SMARCD3: variants seen among roughly 807,000 people sequenced by gnomAD.
The protein encoded by SMARCD3 is SWI/SNF-related matrix-associated actin-dependent regulator of chromatin subfamily D member 3.
A neutral mutation model predicts 58.0 loss-of-function variants in SMARCD3; 14 were observed. The observed-to-expected ratio is 0.24, with a 90% confidence interval of 0.16 to 0.38. The LOEUF is 0.38. Ranked by LOEUF, SMARCD3 falls within the 10% of genes least tolerant of loss-of-function variation. The probability of loss-of-function intolerance (pLI) is 1.00; values close to 1 mark genes in which losing one functional copy is unlikely to be tolerated. For synonymous variants in SMARCD3, 253 were observed against 253.8 expected (o/e 1.00, Z 0.03); for missense variants, 408 against 636.9 (o/e 0.64, Z 3.87).
rs762358047 is a variant in SMARCD3 at position 151,241,270 on chromosome 7, C to T, written c.939+222G>A. 2.2e-5 allele frequency: 13 copies of T among 588,802 alleles called. No homozygotes were observed. The highest frequency in any genetic ancestry group is 1.6e-4 in the Admixed American group (6 of 37,902). The allele number at this position is 588,802 out of a possible 1,614,324, so 36.5% of individuals were successfully genotyped here. A position where few individuals can be genotyped will look rare whatever the true frequency, so the allele number is the denominator to read the frequency against. ...TTGTAGGGTTTCCAGGTCTTCCTAACTTGGGGGGGCTAACATGGATTGGCT... is the reference window on the plus strand; with the variant it reads ...TTGTAGGGTTTCCAGGTCTTCCTAATTTGGGGGGGCTAACATGGATTGGCT... On this transcript the variant is annotated intron_variant, in intron 8 of 12. Coordinates refer to ENST00000262188, the MANE Select transcript of SMARCD3 (RefSeq NM_001003801.2). The surrounding 1 kb of genome is among the most constrained non-coding windows in gnomAD (Gnocchi z 5.3).
At chr7:151,265,352 G>GC (rs1563689887) in intron 2 of SMARCD3, among the ~76,000 whole-genome samples, 1 of 152,198 alleles carries the variant, frequency 6.6e-6, no homozygotes, top group African/African-American at 2.4e-5. Context: ...AAGGAGAGAG[G>GC]CCTGAGACAG....
At chr7:151,275,094 G>T in intron 2 of SMARCD3, 1 of 1,607,590 alleles carries the variant, frequency 6.2e-7, no homozygotes, top group Non-Finnish European at 8.5e-7. Flanking sequence ...TCCTGGGCTG[G>T]CAGGGGAGGA....
In SMARCD3 at chr7:151,238,783, T is replaced by C. The variant is rs937539144; in HGVS notation, c.*320A>G. 2 of 1,566,722 alleles carry C rather than the reference T, an allele frequency of 1.3e-6. No individual in the cohort carries two copies. Among genetic ancestry groups the C allele is most frequent in the Admixed American group, 1.8e-5 (1 of 54,516 alleles). On this transcript the variant is annotated 3_prime_UTR_variant, in exon 13 of 13. Coordinates refer to ENST00000262188, the MANE Select transcript of SMARCD3 (RefSeq NM_001003801.2). ...CAGATAGAGAATTGTTGCTGTATTT[T>C]TTAAATATGAAAATGTTATTAAACA...
rs774812890 is a variant in SMARCD3 at position 151,239,121 on chromosome 7, C to T, written c.1434G>A (p.Leu478=). 3.1e-6 allele frequency: 5 copies of T among 1,614,052 alleles called. No homozygotes were observed. The African/African-American group carries it at 5.3e-5, about 17-fold the overall frequency. The change falls in exon 13 of 13, where the codon CTG becomes CTA. Residue 478 remains leucine (L), a synonymous_variant. Transcript: ENST00000262188. The surrounding 1 kb of genome is among the most constrained non-coding windows in gnomAD (Gnocchi z 7.0). The stretch of plus-strand genomic sequence containing the variant: ...TGGGCTCCTAGGTGTTGCGCACAAC[C>T]AGCGACTGCTCCAGCTCCTGCCTGC... ...QQRRQELEQS[L]VVRNT
rs1395989726 is a variant in SMARCD3 at position 151,276,075 on chromosome 7, G to C, written c.-100+630C>G. ...GGGGATGGGAGAGCTGGTGGGGTCC[G>C]GGAGACAGAGTGGGAGGGGAGGATG... On this transcript the variant is annotated intron_variant, in intron 1 of 13. Coordinates refer to the SMARCD3 transcript ENST00000356800. Among the ~76,000 whole-genome samples, 4 of 151,606 alleles carry C rather than the reference G, an allele frequency of 2.6e-5. No homozygotes were observed. In the East Asian group the frequency reaches 7.8e-4, roughly 30 times the overall value.
intron 1 of SMARCD3, among the ~76,000 whole-genome samples, chr7:151,275,652 C>T (rs1181198572): frequency 1.3e-5 from 2 of 152,056 alleles, no homozygotes; most frequent in Admixed American, 1.3e-4. Flanking sequence ...GGCCCTGGAG[C>T]CCAGGGGCAT....
chr7:151,239,580 GT>G lies in SMARCD3; in HGVS notation c.1296+43del. 1 of 1,613,556 alleles carries G rather than the reference GT, an allele frequency of 6.2e-7. No homozygotes were observed. Among genetic ancestry groups the G allele is most frequent in the Non-Finnish European group, 8.5e-7 (1 of 1,179,604 alleles). ...TACAACGTTTACTCTCTTTCCCGCT[GT>G]GCTTGTCTTCCACTCCAGTACTCCC... On this transcript the variant is annotated intron_variant, in intron 11 of 12. Transcript: ENST00000262188. This position sits in a 1 kb window ranked among gnomAD's most constrained non-coding sequence, Gnocchi z 7.0.
chr7:151,275,130 G>A (rs769800764), exon 2 of SMARCD3: 7 of 1,612,094 alleles, frequency 4.3e-6, no homozygotes, highest in Non-Finnish European at 5.9e-6. Context: ...CACGGTGGGT[G>A]GGTGCTGAAG....
At chr7:151,267,312 A>G (rs770400243) in intron 2 of SMARCD3, among the ~76,000 whole-genome samples, 3 of 152,248 alleles carry the variant, frequency 2.0e-5, no homozygotes, top group Non-Finnish European at 4.4e-5. Context: ...AAAGACAGGA[A>G]CACAAGGCGT....
chr7:151,262,801 G>A (rs1803958933), intron 2 of SMARCD3, among the ~76,000 whole-genome samples: 1 of 152,228 alleles, frequency 6.6e-6, no homozygotes, highest in Non-Finnish European at 1.5e-5. Flanking sequence ...GATGCCCAAG[G>A]CTGGCATGGG....
In SMARCD3 at chr7:151,240,190, C is replaced by T. The variant is rs1393684566; in HGVS notation, c.1095G>A (p.Glu365=). Residue 365 remains glutamate (E), a synonymous_variant, in exon 10 of 13, where the codon GAG becomes GAA. Coordinates refer to ENST00000262188, the MANE Select transcript of SMARCD3 (RefSeq NM_001003801.2). ...TGCTCATCTGCCCCTTTAATGGCTC[C>T]TCCACCTCCACGTCAATGTCATAGC... ...TACYDIDVEV[E]EPLKGQMSSF... 1.9e-6 allele frequency: 3 copies of T among 1,614,126 alleles called. No individual in the cohort carries two copies. The highest frequency in any genetic ancestry group is 2.2e-5 in the East Asian group (1 of 44,862).
Position 151,248,416 on chromosome 7 carries a change from T to C in SMARCD3, c.78+69A>G. ...AGAGCGGGAGCGCCCTCCCGGCCCCTCCCGATCAGCCCTCCATTCAGCCCG... is the reference window on the plus strand; with the variant it reads ...AGAGCGGGAGCGCCCTCCCGGCCCCCCCCGATCAGCCCTCCATTCAGCCCG... On this transcript the variant is annotated intron_variant, in intron 1 of 12. Transcript: ENST00000262188. This position sits in a 1 kb window ranked among gnomAD's most constrained non-coding sequence, Gnocchi z 6.1. 1 of 1,293,470 alleles carries C rather than the reference T, an allele frequency of 7.7e-7. No individual in the cohort carries two copies. The highest frequency in any genetic ancestry group is 1.9e-4 in the Middle Eastern group (1 of 5,338). 80.1% of individuals were successfully genotyped at this position (1,293,470 alleles called of 1,614,324 possible). A position where few individuals can be genotyped will look rare whatever the true frequency, so the allele number is the denominator to read the frequency against.
intron 2 of SMARCD3, among the ~76,000 whole-genome samples, chr7:151,273,998 C>A (rs914315907): frequency 5.3e-5 from 8 of 152,280 alleles, no homozygotes; most frequent in Middle Eastern, 3.2e-3. Flanking sequence ...AAAGCACTTT[C>A]ATTCTGCCCA....
chr7:151,241,284 C>A lies in SMARCD3; in HGVS notation c.939+208G>T. The A allele has an allele frequency of 1.6e-6, 1 of 618,918 alleles. No homozygotes were observed. Among genetic ancestry groups the A allele is most frequent in the Non-Finnish European group, 2.9e-6 (1 of 340,054 alleles). 38.3% of individuals were successfully genotyped at this position (618,918 alleles called of 1,614,324 possible). A position where few individuals can be genotyped will look rare whatever the true frequency, so the allele number is the denominator to read the frequency against. On this transcript the variant is annotated intron_variant, in intron 8 of 12. Coordinates refer to ENST00000262188, the MANE Select transcript of SMARCD3 (RefSeq NM_001003801.2). This position sits in a 1 kb window ranked among gnomAD's most constrained non-coding sequence, Gnocchi z 5.3. ...GGTCTTCCTAACTTGGGGGGGCTAA[C>A]ATGGATTGGCTGCAGCACAGAGCTA...
rs549849125 is a variant in SMARCD3, at chr7:151,248,473, TC to T, written c.78+11del. On this transcript the variant is annotated intron_variant, in intron 1 of 12. Transcript: ENST00000262188. The surrounding 1 kb of genome is among the most constrained non-coding windows in gnomAD (Gnocchi z 6.1). ...CTCGCTTGCCCTCCCCCGCTAACTT[TC>T]CCCCACTCACCACCCCATGGACCAG... The T allele has an allele frequency of 9.6e-5, 154 of 1,606,998 alleles. No individual in the cohort carries two copies. In the African/African-American group the frequency reaches 1.8e-3, roughly 18 times the overall value.
chr7:151,244,051 G>A (rs73727129), intron 2 of SMARCD3, among the ~76,000 whole-genome samples: 2,480 of 152,308 alleles, frequency 0.016, 81 homozygotes, highest in African/African-American at 0.057. Flanking sequence ...GGAGGACAAA[G>A]GAGAGGGAAG....
Position 151,266,250 on chromosome 7 carries a change from G to A in SMARCD3, c.39+8864C>T, listed in dbSNP as rs561524615. 2.5e-4 allele frequency among the ~76,000 whole-genome samples: 38 copies of A among 152,020 alleles called. 1 individual carries two copies. The highest frequency in any genetic ancestry group is 6.8e-3 in the Middle Eastern group (2 of 294). ...CTCCCAAAGTGCTGGGATTGCAGGC[G>A]TGAGCCACCGCACCCGGCCATTTTT... On this transcript the variant is annotated intron_variant, in intron 2 of 13. Transcript: ENST00000356800.
chr7:151,243,868 C>T lies in SMARCD3; in HGVS notation c.291-167G>A, dbSNP rs543551685. 6.6e-6 allele frequency among the ~76,000 whole-genome samples: 1 copy of T among 152,312 alleles called. No individual in the cohort carries two copies. Among genetic ancestry groups the T allele is most frequent in the Non-Finnish European group, 1.5e-5 (1 of 68,026 alleles). On this transcript the variant is annotated intron_variant, in intron 2 of 12. Transcript: ENST00000262188. The surrounding 1 kb of genome is among the most constrained non-coding windows in gnomAD (Gnocchi z 4.4). ...GACGGTGGTGTGTGGAACCGGTGCT[C>T]TGTCCTCTCTCAGGACACAGGAGTG...
chr7:151,274,598 T>C (rs530108054), intron 2 of SMARCD3, among the ~76,000 whole-genome samples: 19 of 151,880 alleles, frequency 1.3e-4, no homozygotes, highest in Non-Finnish European at 2.5e-4. Flanking sequence ...GCCCTGAGGG[T>C]TTTTAGAGGT....
Sources: gnomAD v4.1 joint callset for allele counts (sites outside exome capture counted in the v4.1 genomes callset) on GRCh38, gnomAD v4.1.1 for gene constraint, Gnocchi (gnomAD v3.1) non-coding constraint, MANE v1.5 for transcripts, NCBI Gene and HGNC (gene_info 2026-07-23, HGNC 2026-07-21) for gene names.